Variants in FGGY observed in about 807,000 individuals in gnomAD.
FGGY encodes the protein FGGY carbohydrate kinase domain-containing protein.
In FGGY, 72 loss-of-function variants were observed where a neutral mutation model predicts 71.3. The observed-to-expected ratio is 1.01, with a 90% CI of 0.84 to 1.23. The LOEUF (loss-of-function observed/expected upper bound fraction) is 1.23, where lower values mean the gene tolerates loss of function less well. Among genes scored for constraint, FGGY ranks in the 50% most tolerant of loss-of-function variants. The pLI, the probability that FGGY is intolerant of heterozygous loss-of-function variation, is 0.00. For synonymous variants in FGGY, 251 were observed against 250.3 expected (o/e 1.00, Z -0.02); for missense variants, 668 against 682.3 (o/e 0.98, Z 0.23).
At chr1:59,417,480 G>A (rs1298407260) in intron 5 of FGGY, among the ~76,000 whole-genome samples, 1 of 152,166 alleles carries the variant, frequency 6.6e-6, no homozygotes, top group Non-Finnish European at 1.5e-5. Flanking sequence ...GAATTGTTGG[G>A]TTTTATGGTA....
intron 12 of FGGY, among the ~76,000 whole-genome samples, chr1:59,666,996 G>A (rs2097331876): frequency 6.6e-6 from 1 of 152,204 alleles, no homozygotes; most frequent in Non-Finnish European, 1.5e-5. Context: ...ACCATTAACT[G>A]TGTTGACATT....
intron 14 of FGGY, among the ~76,000 whole-genome samples, chr1:59,705,141 A>G (rs1371876921): frequency 1.3e-5 from 2 of 152,100 alleles, no homozygotes; most frequent in Non-Finnish European, 1.5e-5. Flanking sequence ...GGAGTTCTTT[A>G]TCTGCTCTAC....
At position 59,626,165 on chromosome 1, in the gene FGGY, G is replaced by C. The variant is rs2096854773; in HGVS notation, c.1073+116G>C. 4 of 745,350 alleles carry C rather than the reference G, an allele frequency of 5.4e-6. 1 individual carries two copies. Among genetic ancestry groups the C allele is most frequent in the Admixed American group, 5.0e-5 (2 of 40,052 alleles). 46.2% of individuals were successfully genotyped at this position (745,350 alleles called of 1,614,324 possible). A position where few individuals can be genotyped will look rare whatever the true frequency, so the allele number is the denominator to read the frequency against. On this transcript the variant is annotated intron_variant, in intron 10 of 15. Coordinates refer to ENST00000303721, the MANE Select transcript of FGGY (RefSeq NM_018291.5). The stretch of plus-strand genomic sequence containing the variant: ...ACAGACAATGAAAATGCCTGTTAGT[G>C]CTTGAAAGATAGTCACCTGGATGAT...
chr1:59,534,543 G>A (rs1015310334), intron 7 of FGGY, among the ~76,000 whole-genome samples: 1 of 152,068 alleles, frequency 6.6e-6, no homozygotes. Flanking sequence ...ATTCACCAAA[G>A]TTGAAATGAA....
At chr1:59,524,723 T>A (rs1170681978) in intron 7 of FGGY, among the ~76,000 whole-genome samples, 3 of 152,160 alleles carry the variant, frequency 2.0e-5, no homozygotes, top group Non-Finnish European at 4.4e-5. Flanking sequence ...CTAGACGACC[T>A]GCCTGCAGAA....
intron 8 of FGGY, among the ~76,000 whole-genome samples, chr1:59,600,401 C>G (rs997272270): frequency 6.6e-6 from 1 of 152,160 alleles, no homozygotes; most frequent in African/African-American, 2.4e-5. Flanking sequence ...CCATGTGGAG[C>G]TCAGGAGCAA....
intron 8 of FGGY, among the ~76,000 whole-genome samples, chr1:59,602,356 A>G (rs1004789394): frequency 1.8e-4 from 28 of 152,342 alleles, no homozygotes; most frequent in African/African-American, 6.7e-4. Flanking sequence ...TGAAGAACCT[A>G]GAAGAGTCTG....
chr1:59,455,087 A>G (rs1269019975), intron 5 of FGGY, among the ~76,000 whole-genome samples: 3 of 152,202 alleles, frequency 2.0e-5, no homozygotes, highest in Non-Finnish European at 4.4e-5. Context: ...GCTTGTCATA[A>G]TCCTGAATGT....
At chr1:59,562,631 C>T (rs1446038918) in intron 8 of FGGY, among the ~76,000 whole-genome samples, 2 of 152,152 alleles carry the variant, frequency 1.3e-5, no homozygotes, top group Admixed American at 1.3e-4. Context: ...GTCACTGTAC[C>T]AGAAACGAAT....
intron 5 of FGGY, among the ~76,000 whole-genome samples, chr1:59,438,838 A>G (rs2407514): frequency 0.34 from 51,758 of 152,070 alleles, 9,821 homozygotes; most frequent in Middle Eastern, 0.49. Flanking sequence ...GGTTACTTCC[A>G]TGACCTAAAA....
At chr1:59,689,312 G>A (rs2097571021) in intron 14 of FGGY, among the ~76,000 whole-genome samples, 1 of 152,100 alleles carries the variant, frequency 6.6e-6, no homozygotes, top group African/African-American at 2.4e-5. Context: ...AAAGGTGCTG[G>A]TGAGAGCAAA....
intron 5 of FGGY, among the ~76,000 whole-genome samples, chr1:59,395,690 G>A (rs78695008): frequency 0.012 from 1,802 of 152,206 alleles, 10 homozygotes; most frequent in African/African-American, 0.022. Context: ...AACCCCTTCA[G>A]TCCTCCCAAT....
intron 4 of FGGY, among the ~76,000 whole-genome samples, chr1:59,353,127 T>C (rs2153225043): frequency 6.6e-6 from 1 of 152,348 alleles, no homozygotes; most frequent in Non-Finnish European, 1.5e-5. Flanking sequence ...TGTGGGATCT[T>C]GGACAAGCTA....
rs747560457 is a variant in FGGY, at chr1:59,340,101, T to TG, written c.313+35dup. The TG allele has an allele frequency of 2.1e-5, 32 of 1,489,836 alleles. 1 individual carries two copies. The East Asian group carries it at 7.1e-4, about 33-fold the overall frequency. The allele number at this position is 1,489,836 out of a possible 1,614,324, so 92.3% of individuals were successfully genotyped here. A position where few individuals can be genotyped will look rare whatever the true frequency, so the allele number is the denominator to read the frequency against. Reference sequence around the variant, plus strand: ...CCATGTCTCTTCCTTTTCCCAGTGGTGGGATACTTGGCTGATTAATCCAAT... The same window carrying TG: ...CCATGTCTCTTCCTTTTCCCAGTGGTGGGGATACTTGGCTGATTAATCCAAT... On this transcript the variant is annotated intron_variant, in intron 3 of 15. Transcript: ENST00000303721.
intron 5 of FGGY, among the ~76,000 whole-genome samples, chr1:59,421,407 A>T (rs1460014943): frequency 6.6e-6 from 1 of 152,130 alleles, no homozygotes; most frequent in Non-Finnish European, 1.5e-5. Context: ...AAAATTTTTT[A>T]AAAGCCTGGA....
At chr1:59,565,697 C>T (rs764557465) in intron 8 of FGGY, among the ~76,000 whole-genome samples, 1 of 152,126 alleles carries the variant, frequency 6.6e-6, no homozygotes, top group African/African-American at 2.4e-5. Context: ...CATAAACACA[C>T]GTGTTTTGTG....
chr1:59,392,435 G>T (rs1024846045), intron 5 of FGGY, among the ~76,000 whole-genome samples: 1 of 152,132 alleles, frequency 6.6e-6, no homozygotes, highest in Admixed American at 6.6e-5. Flanking sequence ...GTAACTTGGG[G>T]CCCCTGGCAC....
rs149919714 is a variant in FGGY at position 59,736,024 on chromosome 1, C to A, written c.1513-21907C>A. ...AGGTAACTGAATCATGGGGGCAGGT[C>A]TTTCCCATGCTGTTCTCATGATAGC... is the stretch of plus-strand genomic sequence containing the variant. On this transcript the variant is annotated intron_variant, in intron 14 of 15. Transcript: ENST00000303721. 1.6e-4 allele frequency among the ~76,000 whole-genome samples: 25 copies of A among 152,198 alleles called. 1 individual carries two copies. The highest frequency in any genetic ancestry group is 6.0e-4 in the African/African-American group (25 of 41,516).
intron 5 of FGGY, among the ~76,000 whole-genome samples, chr1:59,444,752 T>C (rs1299551044): frequency 6.6e-6 from 1 of 152,176 alleles, no homozygotes; most frequent in Non-Finnish European, 1.5e-5. Flanking sequence ...GAGAATCTAA[T>C]GCCTGATGAT....
Sources: allele counts gnomAD v4.1 joint callset (sites outside exome capture counted in the v4.1 genomes callset), GRCh38; gene constraint gnomAD v4.1.1; transcripts MANE v1.5; gene names NCBI Gene and HGNC (gene_info 2026-07-23, HGNC 2026-07-21).